SOX6: variants seen among roughly 807,000 people sequenced by gnomAD.
The protein encoded by SOX6 is SRY-box transcription factor 6.
SOX6 carries 11 observed loss-of-function variants against 97.8 expected under a neutral mutation model. The ratio of observed to expected loss-of-function variants is 0.11; its 90% confidence interval spans 0.07 to 0.19. The LOEUF (loss-of-function observed/expected upper bound fraction) is 0.19, where lower values mean the gene tolerates loss of function less well. Among genes scored for constraint, SOX6 ranks in the 10% least tolerant of loss-of-function variants. The pLI is 1.00. For synonymous variants in SOX6, 360 were observed against 371.4 expected (o/e 0.97, Z 0.35); for missense variants, 810 against 1,039.5 (o/e 0.78, Z 3.04).
At chr11:16,302,756 G>C (rs1363013156) in intron 3 of SOX6, among the ~76,000 whole-genome samples, 2 of 151,572 alleles carry the variant, frequency 1.3e-5, no homozygotes, top group African/African-American at 4.8e-5. Context: ...ATTTAGTAGA[G>C]ACAGGGTCCT....
intron 9 of SOX6, among the ~76,000 whole-genome samples, chr11:16,072,969 C>T (rs1363197386): frequency 6.6e-6 from 1 of 152,166 alleles, no homozygotes; most frequent in Non-Finnish European, 1.5e-5. Flanking sequence ...AAAGGAAAGA[C>T]CATTACCACC....
chr11:16,298,472 G>A (rs1290404795), intron 3 of SOX6, among the ~76,000 whole-genome samples: 2 of 151,870 alleles, frequency 1.3e-5, no homozygotes, highest in African/African-American at 2.4e-5. Context: ...AGCTACCTAT[G>A]TGATGCAAAT....
rs1175745513 is a variant in SOX6 at position 16,364,393 on chromosome 11, G to A, written c.-4-23141C>T. 3.3e-5 allele frequency among the ~76,000 whole-genome samples: 5 copies of A among 152,214 alleles called. No individual in the cohort carries two copies. The East Asian group carries it at 9.7e-4, about 29-fold the overall frequency. ...AGCCTATCTACTAGCCTAGCTGAAA[G>A]GAAATCTTCCTGAGCTGCACTTACA... is the stretch of plus-strand genomic sequence containing the variant. On this transcript the variant is annotated intron_variant, in intron 1 of 15. Transcript: ENST00000396356.
At chr11:16,678,290 A>G (rs1383267143) in intron 3 of SOX6, among the ~76,000 whole-genome samples, 1 of 152,192 alleles carries the variant, frequency 6.6e-6, no homozygotes, top group African/African-American at 2.4e-5. Flanking sequence ...TCAGTCATAT[A>G]AACTTCCCTA....
At chr11:16,504,092 TA>T (rs932108355) in intron 4 of SOX6, among the ~76,000 whole-genome samples, 1 of 120,702 alleles carries the variant, frequency 8.3e-6, no homozygotes, top group Non-Finnish European at 1.8e-5. Context: ...AATAAATAAA[TA>T]AATAAGCTTA....
intron 4 of SOX6, among the ~76,000 whole-genome samples, chr11:16,188,469 A>G (rs1381666088): frequency 6.6e-6 from 1 of 152,134 alleles, no homozygotes; most frequent in Non-Finnish European, 1.5e-5. Context: ...TGGTAAAAGG[A>G]AGAATTTATT....
Position 16,593,793 on chromosome 11 carries a change from C to G in SOX6, n.609+18288G>C, listed in dbSNP as rs918733039. Among the ~76,000 whole-genome samples the G allele has an allele frequency of 2.6e-5, 4 of 152,094 alleles. No individual in the cohort carries two copies. In the South Asian group the frequency reaches 8.3e-4, roughly 32 times the overall value. On this transcript the variant is annotated intron_variant and non_coding_transcript_variant, in intron 4 of 5. Coordinates refer to the SOX6 transcript ENST00000524520. ...CATTTAACACTTAAGGAAATAGATT[C>G]AGAGAGGATAAATAAATTGTAAATG...
intron 3 of SOX6, among the ~76,000 whole-genome samples, chr11:16,631,877 T>C (rs1305075248): frequency 2.0e-5 from 3 of 152,210 alleles, no homozygotes; most frequent in African/African-American, 7.2e-5. Flanking sequence ...AGTTTATTGA[T>C]AAAGATTTCA....
At chr11:16,175,341 C>T (rs1273363309) in intron 6 of SOX6, among the ~76,000 whole-genome samples, 1 of 151,840 alleles carries the variant, frequency 6.6e-6, no homozygotes, top group Non-Finnish European at 1.5e-5. Flanking sequence ...ATAATTATCT[C>T]AAAGCTACTG....
intron 2 of SOX6, among the ~76,000 whole-genome samples, chr11:16,732,997 T>G (rs1361326643): frequency 6.6e-6 from 1 of 152,208 alleles, no homozygotes; most frequent in Non-Finnish European, 1.5e-5. Context: ...TCACCATCAC[T>G]AGTCATTAGA....
chr11:16,277,713 C>T (rs1006263854), intron 3 of SOX6, among the ~76,000 whole-genome samples: 8 of 152,188 alleles, frequency 5.3e-5, no homozygotes, highest in Non-Finnish European at 8.8e-5. Context: ...GATAGAAAAT[C>T]CCACATTCGT....
At chr11:16,260,111 T>C (rs1417041815) in intron 3 of SOX6, among the ~76,000 whole-genome samples, 3 of 152,118 alleles carry the variant, frequency 2.0e-5, no homozygotes, top group Non-Finnish European at 4.4e-5. Flanking sequence ...GCCATTCTCC[T>C]GCCTCAGCCT....
chr11:16,423,943 T>G (rs1303360326), intron 1 of SOX6, among the ~76,000 whole-genome samples: 1 of 152,222 alleles, frequency 6.6e-6, no homozygotes, highest in Non-Finnish European at 1.5e-5. Flanking sequence ...AAAAACTTGT[T>G]GAATACCTAC....
intron 3 of SOX6, among the ~76,000 whole-genome samples, chr11:16,686,964 CA>C (rs1334121492): frequency 2.0e-4 from 28 of 142,712 alleles, no homozygotes; most frequent in Non-Finnish European, 2.5e-4. Flanking sequence ...CGATGTCTCA[CA>C]AAAAAAAAAA....
intron 3 of SOX6, among the ~76,000 whole-genome samples, chr11:16,284,983 T>C (rs982489383): frequency 6.6e-6 from 1 of 152,162 alleles, no homozygotes; most frequent in Non-Finnish European, 1.5e-5. Flanking sequence ...TAAAAGCACA[T>C]AGTATATACT....
intron 4 of SOX6, among the ~76,000 whole-genome samples, chr11:16,215,063 A>C (rs1852335821): frequency 6.6e-6 from 1 of 152,142 alleles, no homozygotes; most frequent in African/African-American, 2.4e-5. Context: ...CTTTTTAAGT[A>C]GAACCTGTTT....
At chr11:16,111,975 G>A (rs1435070489) in intron 6 of SOX6, 52 bp from the exon 7 acceptor site, 21 of 1,609,506 alleles carry the variant, frequency 1.3e-5, no homozygotes, top group Non-Finnish European at 1.7e-5. Context: ...TGTATGCCAA[G>A]AAGAATTTGT....
intron 6 of SOX6, among the ~76,000 whole-genome samples, chr11:16,114,317 A>T (rs1427509962): frequency 6.6e-6 from 1 of 152,136 alleles, no homozygotes; most frequent in Non-Finnish European, 1.5e-5. Flanking sequence ...TATTTTCTTG[A>T]CTGTGTAATC....
At chr11:16,164,832 AAAAGAAAG>A (rs546133661) in intron 6 of SOX6, among the ~76,000 whole-genome samples, 3 of 151,338 alleles carry the variant, frequency 2.0e-5, no homozygotes, top group Admixed American at 6.6e-5. Flanking sequence ...AAAAAAAAAA[AAAAGAAAG>A]AAAGAAAGAA....
Sources: allele counts gnomAD v4.1 joint callset (sites outside exome capture counted in the v4.1 genomes callset), GRCh38; gene constraint gnomAD v4.1.1; transcripts MANE v1.5; gene names NCBI Gene and HGNC (gene_info 2026-07-23, HGNC 2026-07-21).